The following OTUD7A variants were observed in gnomAD, a reference collection of about 807,000 sequenced individuals.
The protein encoded by OTUD7A is OTU domain-containing protein 7A.
OTUD7A carries 12 observed loss-of-function variants against 65.7 expected under a neutral mutation model. That is an observed-to-expected ratio of 0.18 (90% CI 0.12 to 0.30). The LOEUF is 0.30. Ranked by LOEUF, OTUD7A falls within the 10% of genes least tolerant of loss-of-function variation. The pLI is 1.00. For missense variants in OTUD7A, 1,148 were observed against 1,304.8 expected (o/e 0.88, Z 1.85); for synonymous variants, 641 against 586.3 (o/e 1.09, Z -1.35).
chr15:31,594,740 C>G (rs1889852737), intron 3 of OTUD7A, among the ~76,000 whole-genome samples: 1 of 152,154 alleles, frequency 6.6e-6, no homozygotes, highest in African/African-American at 2.4e-5. Flanking sequence ...GTGAGCAGTG[C>G]CTGCCCCGCT....
At chr15:31,807,695 G>C (rs1475462933) in intron 1 of OTUD7A, among the ~76,000 whole-genome samples, 1 of 152,138 alleles carries the variant, frequency 6.6e-6, no homozygotes, top group Non-Finnish European at 1.5e-5. Context: ...ACCATCAGCA[G>C]AGCCCCCTGG....
chr15:31,777,058 A>G (rs1433560948), intron 1 of OTUD7A, among the ~76,000 whole-genome samples: 1 of 152,038 alleles, frequency 6.6e-6, no homozygotes, highest in Admixed American at 6.5e-5. Flanking sequence ...GTAATGTGAT[A>G]CCATAAACTG....
intron 1 of OTUD7A, among the ~76,000 whole-genome samples, chr15:31,817,098 C>T (rs1242384871): frequency 6.6e-6 from 1 of 152,126 alleles, no homozygotes; most frequent in Non-Finnish European, 1.5e-5. Flanking sequence ...CATGCTGAGG[C>T]TGTGAACTAG....
chr15:31,526,273 T>TC, intron 8 of OTUD7A, 76 bp downstream of exon 8: 2 of 1,328,256 alleles, frequency 1.5e-6, no homozygotes, highest in Non-Finnish European at 1.0e-6. Context: ...CCCCGTGCCA[T>TC]CCCCCCATGC....
At chr15:31,831,046 T>C (rs2140983252) in intron 1 of OTUD7A, among the ~76,000 whole-genome samples, 1 of 152,306 alleles carries the variant, frequency 6.6e-6, no homozygotes, top group East Asian at 1.9e-4. Flanking sequence ...GGCACCACTA[T>C]AATTCGTCAT....
At chr15:31,794,371 A>G (rs1190824818) in intron 1 of OTUD7A, among the ~76,000 whole-genome samples, 1 of 152,180 alleles carries the variant, frequency 6.6e-6, no homozygotes, top group African/African-American at 2.4e-5. Context: ...TTATTTCTCA[A>G]AAGAGATTAT....
intron 3 of OTUD7A, among the ~76,000 whole-genome samples, chr15:31,616,452 T>G (rs1890588990): frequency 6.6e-6 from 1 of 152,200 alleles, no homozygotes; most frequent in South Asian, 2.1e-4. Context: ...CTCAACAATC[T>G]AAGTTGGGGG....
chr15:31,653,413 T>A (rs1255196173), intron 3 of OTUD7A, among the ~76,000 whole-genome samples: 1 of 152,086 alleles, frequency 6.6e-6, no homozygotes, highest in African/African-American at 2.4e-5. Context: ...ACCTGCAGAA[T>A]GGAATACTAC....
intron 1 of OTUD7A, among the ~76,000 whole-genome samples, chr15:31,784,051 T>C (rs1313307612): frequency 1.3e-5 from 2 of 152,212 alleles, no homozygotes; most frequent in Non-Finnish European, 2.9e-5. Context: ...AATGTGACAA[T>C]GCTTAGAAGA....
chr15:31,791,944 G>A (rs1567024899), intron 1 of OTUD7A, among the ~76,000 whole-genome samples: 3 of 151,996 alleles, frequency 2.0e-5, no homozygotes, highest in Admixed American at 6.5e-5. Flanking sequence ...ATGATGTAGA[G>A]AAGATACTCA....
intron 12 of OTUD7A, among the ~76,000 whole-genome samples, chr15:31,485,068 G>T (rs1482387305): frequency 6.6e-6 from 1 of 152,208 alleles, no homozygotes; most frequent in Non-Finnish European, 1.5e-5. Context: ...GCAGGGTGCA[G>T]ATACCCTACT....
chr15:31,813,128 T>C (rs1485817145), intron 1 of OTUD7A, among the ~76,000 whole-genome samples: 2 of 152,290 alleles, frequency 1.3e-5, no homozygotes, highest in African/African-American at 4.8e-5. Flanking sequence ...ATGTGCTCAA[T>C]AGAGATCCTC....
At chr15:31,829,675 A>G (rs1896884030) in intron 1 of OTUD7A, among the ~76,000 whole-genome samples, 1 of 152,170 alleles carries the variant, frequency 6.6e-6, no homozygotes, top group Non-Finnish European at 1.5e-5. Flanking sequence ...TCCCCCTTTC[A>G]GTTCTGAAGA....
At chr15:31,839,363 C>A (rs1441889892) in intron 1 of OTUD7A, among the ~76,000 whole-genome samples, 1 of 152,188 alleles carries the variant, frequency 6.6e-6, no homozygotes, top group African/African-American at 2.4e-5. Context: ...TGCTCGTCAG[C>A]AGGATGGTAT....
intron 3 of OTUD7A, among the ~76,000 whole-genome samples, chr15:31,595,082 G>A (rs1418240017): frequency 6.6e-6 from 1 of 152,210 alleles, no homozygotes; most frequent in Non-Finnish European, 1.5e-5. Context: ...GGAAGGGAGT[G>A]ATGTGGCTAT....
rs115160726 is a variant in OTUD7A at position 31,832,461 on chromosome 15, C to T, written c.-100+38046G>A. Reference sequence around the variant, plus strand: ...TAAAAAAAAATAGTGGTATATTATACATAACATAAAATTTACCATCTGCAA... The same window carrying T: ...TAAAAAAAAATAGTGGTATATTATATATAACATAAAATTTACCATCTGCAA... On this transcript the variant is annotated intron_variant, in intron 1 of 12. Coordinates refer to ENST00000307050, the MANE Select transcript of OTUD7A (RefSeq NM_001382637.1). 7.0e-3 allele frequency among the ~76,000 whole-genome samples: 1,069 copies of T among 152,272 alleles called. 15 individuals are homozygous for T. The highest frequency in any genetic ancestry group is 0.025 in the African/African-American group (1,029 of 41,550).
chr15:31,690,106 G>A (rs1222506665), intron 1 of OTUD7A, among the ~76,000 whole-genome samples: 1 of 152,072 alleles, frequency 6.6e-6, no homozygotes, highest in African/African-American at 2.4e-5. Context: ...ATAGGATAAG[G>A]TCCCTAGTTC....
intron 1 of OTUD7A, among the ~76,000 whole-genome samples, chr15:31,723,225 G>C (rs1358019102): frequency 1.3e-5 from 2 of 152,178 alleles, no homozygotes; most frequent in Non-Finnish European, 2.9e-5. Context: ...AGGAGGCCCG[G>C]AGGCCTGCCA....
chr15:31,674,626 T>C (rs7161839), intron 1 of OTUD7A, among the ~76,000 whole-genome samples: 8,470 of 152,000 alleles, frequency 0.056, 798 homozygotes, highest in African/African-American at 0.19. Flanking sequence ...ATTCCCTGAC[T>C]TGTGATTCAC....
Sources: gnomAD v4.1 joint callset for allele counts (sites outside exome capture counted in the v4.1 genomes callset) on GRCh38, gnomAD v4.1.1 for gene constraint, MANE v1.5 for transcripts, NCBI Gene and HGNC (gene_info 2026-07-23, HGNC 2026-07-21) for gene names.